Variants in LRRC37A2 observed in about 807,000 individuals in gnomAD.
The protein encoded by LRRC37A2 is leucine rich repeat containing 37 member A2.
In LRRC37A2, 9 loss-of-function variants were observed where a neutral mutation model predicts 68.8. The observed-to-expected ratio is 0.13, with a 90% CI of 0.08 to 0.23. LRRC37A2 has a LOEUF of 0.23. Ranked by LOEUF, LRRC37A2 falls within the 10% of genes least tolerant of loss-of-function variation. The pLI, the probability that LRRC37A2 is intolerant of heterozygous loss-of-function variation, is 1.00. For missense variants in LRRC37A2, 168 were observed against 950.4 expected (o/e 0.18, Z 10.82); for synonymous variants, 63 against 367.6 (o/e 0.17, Z 9.48).
At chr17:46,819,588 C>T in the LRRC37A2 span, among the ~76,000 whole-genome samples, 1 of 152,186 alleles carries the variant, frequency 6.6e-6, no homozygotes, top group East Asian at 1.9e-4. The surrounding 1 kb of genome is among the most constrained non-coding windows in gnomAD (Gnocchi z 5.3). Context: ...CCGAGGGCGG[C>T]CCAGGTCCTT....
At chr17:46,879,923 C>T in the LRRC37A2 span, among the ~76,000 whole-genome samples, 1 of 152,232 alleles carries the variant, frequency 6.6e-6, no homozygotes, top group Non-Finnish European at 1.5e-5. Flanking sequence ...TCCAAGGGGT[C>T]CTTCTGCCCA....
At chr17:46,774,155 TGGGGGCCCTTGG>T in the LRRC37A2 span, among the ~76,000 whole-genome samples, 2 of 152,290 alleles carry the variant, frequency 1.3e-5, no homozygotes, top group East Asian at 3.9e-4. Context: ...AAGCCGCTTG[TGGGGGCCCTTGG>T]GGGCAATGCA....
chr17:46,978,617 C>A, the LRRC37A2 span: 1 of 1,556,338 alleles, frequency 6.4e-7, no homozygotes, highest in Admixed American at 1.9e-5. Context: ...CTTGCAGCAG[C>A]GCTGGCGAGG....
At chr17:46,685,111 C>A in the LRRC37A2 span, among the ~76,000 whole-genome samples, 1 of 134,562 alleles carries the variant, frequency 7.4e-6, no homozygotes, top group Non-Finnish European at 1.6e-5. Context: ...GAGATTGGGT[C>A]TAACGGACCC....
the LRRC37A2 span, among the ~76,000 whole-genome samples, chr17:46,841,705 A>C: frequency 6.6e-6 from 1 of 152,068 alleles, no homozygotes; most frequent in Non-Finnish European, 1.5e-5. Flanking sequence ...GACCCTCTGG[A>C]CTGGGGAGTG....
chr17:46,943,902 C>T, the LRRC37A2 span, among the ~76,000 whole-genome samples: 7 of 152,266 alleles, frequency 4.6e-5, 1 homozygote, highest in South Asian at 1.5e-3. Flanking sequence ...CCTGGCGATC[C>T]CTCGGTCTGA....
chr17:46,747,828 A>G, the LRRC37A2 span, among the ~76,000 whole-genome samples: 1 of 152,190 alleles, frequency 6.6e-6, no homozygotes, highest in East Asian at 1.9e-4. Flanking sequence ...TACAGAGAAA[A>G]TGAATGGGAG....
At chr17:46,709,493 ATT>A in the LRRC37A2 span, among the ~76,000 whole-genome samples, 3 of 143,622 alleles carry the variant, frequency 2.1e-5, no homozygotes, top group Admixed American at 7.0e-5. Flanking sequence ...CCAGCCTATA[ATT>A]TTTTTTTTTT....
chr17:46,752,756 C>T, the LRRC37A2 span, among the ~76,000 whole-genome samples: 5 of 151,870 alleles, frequency 3.3e-5, no homozygotes, highest in Non-Finnish European at 7.4e-5. Flanking sequence ...ATGCCTGGCC[C>T]TCGGTAACTT....
chr17:46,715,523 A>G, the LRRC37A2 span, among the ~76,000 whole-genome samples: 1 of 152,230 alleles, frequency 6.6e-6, no homozygotes, highest in African/African-American at 2.4e-5. Context: ...TCATCTTTGC[A>G]GATGGTAAAT....
the LRRC37A2 span, among the ~76,000 whole-genome samples, chr17:46,946,958 A>G: frequency 6.6e-6 from 1 of 152,174 alleles, no homozygotes; most frequent in South Asian, 2.1e-4. Flanking sequence ...CCCACCCAGC[A>G]GTGAGAGGAG....
At chr17:46,506,331 G>GT in the LRRC37A2 span, among the ~76,000 whole-genome samples, 1 of 76,686 alleles carries the variant, frequency 1.3e-5, no homozygotes, top group Admixed American at 1.3e-4. Context: ...AACCTTTTTT[G>GT]TTTTTTTGAG....
At chr17:46,980,746 T>C in the LRRC37A2 span, among the ~76,000 whole-genome samples, 3 of 150,160 alleles carry the variant, frequency 2.0e-5, no homozygotes, top group African/African-American at 7.3e-5. Flanking sequence ...GGCAGGAGAA[T>C]GGCGTGAACC....
At chr17:46,996,809 C>T in the LRRC37A2 span, among the ~76,000 whole-genome samples, 2 of 152,172 alleles carry the variant, frequency 1.3e-5, no homozygotes, top group African/African-American at 4.8e-5. Context: ...CCACATCCAG[C>T]CCTCACTTTC....
At chr17:46,493,783 T>C in the LRRC37A2 span, among the ~76,000 whole-genome samples, 1 of 150,686 alleles carries the variant, frequency 6.6e-6, no homozygotes, top group Non-Finnish European at 1.5e-5. Flanking sequence ...GTGATCCTCC[T>C]GCCTCGGCCT....
At chr17:46,494,029 G>A in the LRRC37A2 span, among the ~76,000 whole-genome samples, 1 of 149,940 alleles carries the variant, frequency 6.7e-6, no homozygotes, top group Non-Finnish European at 1.5e-5. Flanking sequence ...ATTTTTAATA[G>A]AGATGGGGTT....
the LRRC37A2 span, among the ~76,000 whole-genome samples, chr17:47,010,294 G>C: frequency 6.6e-6 from 1 of 152,298 alleles, no homozygotes; most frequent in East Asian, 1.9e-4. Flanking sequence ...CAAATGTAGC[G>C]ACTGGTGCAC....
the LRRC37A2 span, among the ~76,000 whole-genome samples, chr17:46,972,610 A>G: frequency 1.3e-5 from 2 of 152,356 alleles, no homozygotes; most frequent in South Asian, 2.1e-4. Context: ...TGCTGTCAAC[A>G]TACAGGTTCC....
chr17:46,685,413 G>T, the LRRC37A2 span, among the ~76,000 whole-genome samples: 3 of 151,672 alleles, frequency 2.0e-5, no homozygotes, highest in Non-Finnish European at 4.4e-5. Context: ...ATATATATGT[G>T]TGTTACATAA....
Sources: gnomAD v4.1 joint callset for allele counts (sites outside exome capture counted in the v4.1 genomes callset) on GRCh38, gnomAD v4.1.1 for gene constraint, Gnocchi (gnomAD v3.1) non-coding constraint, MANE v1.5 for transcripts, NCBI Gene and HGNC (gene_info 2026-07-23, HGNC 2026-07-21) for gene names.